The following PPIL2 variants were observed in gnomAD, a reference collection of about 807,000 sequenced individuals.
The protein encoded by PPIL2 is peptidylprolyl isomerase like 2.
Under a neutral mutation model 75.2 loss-of-function variants are expected in PPIL2, and 50 were observed. That is an observed-to-expected ratio of 0.66 (90% CI 0.53 to 0.84). The LOEUF (loss-of-function observed/expected upper bound fraction) is 0.84, where lower values mean the gene tolerates loss of function less well. Among genes scored for constraint, PPIL2 ranks in the 40% least tolerant of loss-of-function variants. The pLI is 0.00. For synonymous variants in PPIL2, 245 were observed against 258.8 expected (o/e 0.95, Z 0.51); for missense variants, 590 against 685.0 (o/e 0.86, Z 1.55).
At chr22:21,675,904 G>A (rs764516202) in intron 6 of PPIL2, among the ~76,000 whole-genome samples, 17 of 152,226 alleles carry the variant, frequency 1.1e-4, no homozygotes, top group Non-Finnish European at 2.1e-4. Context: ...CACACCTTCC[G>A]CTGTTCTTGT....
At chr22:21,692,202 C>T (rs899184301) in intron 15 of PPIL2, among the ~76,000 whole-genome samples, 5 of 151,630 alleles carry the variant, frequency 3.3e-5, no homozygotes, top group Non-Finnish European at 5.9e-5. Context: ...GTCCCCCAGG[C>T]TGGAGTGCAG....
chr22:21,679,814 G>A (rs1404815937), intron 6 of PPIL2, among the ~76,000 whole-genome samples: 2 of 151,704 alleles, frequency 1.3e-5, no homozygotes, highest in East Asian at 4.0e-4. Context: ...AAGGCCAGGT[G>A]CGGTGGCTCA....
rs372324620 is a variant in PPIL2, at chr22:21,684,669, G to A, written c.554-84G>A. On this transcript the variant is annotated intron_variant, in intron 9 of 19. Coordinates refer to ENST00000398831, the MANE Select transcript of PPIL2 (RefSeq NM_014337.4). ...CTGCGCCATGGCTGGACGGCCCTGG[G>A]CTATTCTAGATCTGTGTCCCCAGCA... 18 of 1,527,060 alleles carry A rather than the reference G, an allele frequency of 1.2e-5. No homozygotes were observed. In the African/African-American group the frequency reaches 2.2e-4, roughly 19 times the overall value. 94.6% of individuals were successfully genotyped at this position (1,527,060 alleles called of 1,614,324 possible).
chr22:21,680,521 A>G (rs905052184), intron 6 of PPIL2, among the ~76,000 whole-genome samples: 1 of 151,128 alleles, frequency 6.6e-6, no homozygotes, highest in Non-Finnish European at 1.5e-5. Context: ...ACAGAGCAAG[A>G]CTCCATCTCA....
At chr22:21,668,303 C>A (rs1465046352) in intron 1 of PPIL2, among the ~76,000 whole-genome samples, 1 of 152,008 alleles carries the variant, frequency 6.6e-6, no homozygotes, top group East Asian at 1.9e-4. Flanking sequence ...GGCTTAGACA[C>A]AACAACTGAC....
At position 21,688,850 on chromosome 22, in the gene PPIL2, G is replaced by GT; in HGVS notation, c.1139+2dup. ...GGCCCAACAGCAACAGGTCTCAATT[G>GT]TGAGTCAGCTGGGCTTGCTGGGGTG... On this transcript the variant is annotated splice_donor_variant, in intron 15 of 19. Coordinates refer to ENST00000398831, the MANE Select transcript of PPIL2 (RefSeq NM_014337.4). LOFTEE classifies it high-confidence loss of function. 1 of 1,613,870 alleles carries GT rather than the reference G, an allele frequency of 6.2e-7. No homozygotes were observed.
intron 1 of PPIL2, 81 bp downstream of exon 1, chr22:21,666,212 C>G: frequency 6.8e-7 from 1 of 1,469,422 alleles, no homozygotes; most frequent in Non-Finnish European, 9.3e-7. Flanking sequence ...CGCTCGCCTT[C>G]CCTCTCAGCT....
intron 3 of PPIL2, 111 bp downstream of exon 3, chr22:21,670,722 T>C (rs1601508327): frequency 8.2e-7 from 1 of 1,217,372 alleles, no homozygotes; most frequent in East Asian, 2.3e-5. Flanking sequence ...GCCTTGAAGA[T>C]GTGGCCCTTC....
intron 5 of PPIL2, among the ~76,000 whole-genome samples, chr22:21,674,111 C>T (rs1347743953): frequency 6.6e-6 from 1 of 152,164 alleles, no homozygotes; most frequent in African/African-American, 2.4e-5. Context: ...CGCTGTGTCT[C>T]CCCTGGGCCT....
intron 1 of PPIL2, 112 bp from the exon 2 acceptor site, chr22:21,669,801 A>ATTTAGTAAGTATTTAGTACTT (rs2066558925): frequency 8.7e-7 from 1 of 1,155,020 alleles, no homozygotes; most frequent in South Asian, 1.2e-5. Context: ...TGCCCGCCCC[A>ATTTAGTAAGTATTTAGTACTT]TAGTAGGTAT....
At position 21,666,837 on chromosome 22, in the gene PPIL2, ACCCGTGC is replaced by A. The variant is rs369590108; in HGVS notation, c.32+717_32+723del. Among the ~76,000 whole-genome samples the A allele has an allele frequency of 4.9e-3, 746 of 151,758 alleles. 5 individuals are homozygous for A. The highest frequency in any genetic ancestry group is 0.017 in the African/African-American group (696 of 41,378). ...AATAATAAATAAAATTTAAAAATCC[ACCCGTGC>A]CCCGTGCCCCACGTCCCACGTTCCC... On this transcript the variant is annotated intron_variant, in intron 1 of 19. Coordinates refer to ENST00000398831, the MANE Select transcript of PPIL2 (RefSeq NM_014337.4).
In PPIL2 at chr22:21,696,020, C is replaced by T. The variant is rs546703235; in HGVS notation, c.*530C>T. ...CTGGTTTTCTTACCCCTACTTCTGT[C>T]ATCTTCTCAGGGACAGCCTATTTAT... On this transcript the variant is annotated 3_prime_UTR_variant, in exon 20 of 20. Transcript: ENST00000398831. 3.7e-4 allele frequency: 206 copies of T among 557,038 alleles called. No individual in the cohort carries two copies. The highest frequency in any genetic ancestry group is 4.4e-4 in the Non-Finnish European group (190 of 433,250). The allele number at this position is 557,038 out of a possible 1,614,324, so 34.5% of individuals were successfully genotyped here.
chr22:21,693,214 A>C (rs1293871428), intron 15 of PPIL2, among the ~76,000 whole-genome samples: 1 of 151,840 alleles, frequency 6.6e-6, no homozygotes, highest in Non-Finnish European at 1.5e-5. Flanking sequence ...CGCCCAGCTA[A>C]TTTTTGTATT....
At chr22:21,689,981 C>T (rs140087777) in intron 15 of PPIL2, among the ~76,000 whole-genome samples, 7 of 152,286 alleles carry the variant, frequency 4.6e-5, no homozygotes, top group African/African-American at 1.2e-4. Flanking sequence ...CACTGTCACA[C>T]GTGGTCTCGG....
At chr22:21,675,483 C>A (rs555626552) in intron 6 of PPIL2, among the ~76,000 whole-genome samples, 1 of 152,214 alleles carries the variant, frequency 6.6e-6, no homozygotes, top group South Asian at 2.1e-4. Context: ...TTGCAGTGAG[C>A]CAAGATGGTG....
intron 6 of PPIL2, 110 bp downstream of exon 6, chr22:21,675,225 C>T: frequency 9.2e-7 from 1 of 1,085,694 alleles, no homozygotes; most frequent in Middle Eastern, 2.3e-4. Context: ...AAGCTAGACA[C>T]CTGCTTTTAA....
chr22:21,696,255 T>G lies in PPIL2; in HGVS notation c.*765T>G. ...GGGCCCTGCTCACCTGCTCTGGCTG[T>G]GAACCACCTGGGCTTCATCTCAAGC... is the stretch of plus-strand genomic sequence containing the variant. On this transcript the variant is annotated 3_prime_UTR_variant, in exon 20 of 20. Coordinates refer to ENST00000398831, the MANE Select transcript of PPIL2 (RefSeq NM_014337.4). 9.8e-7 allele frequency: 1 copy of G among 1,023,882 alleles called. No homozygotes were observed. The highest frequency in any genetic ancestry group is 1.7e-5 in the African/African-American group (1 of 58,048). 63.4% of individuals were successfully genotyped at this position (1,023,882 alleles called of 1,614,324 possible).
intron 10 of PPIL2, among the ~76,000 whole-genome samples, chr22:21,686,268 A>G (rs1156878153): frequency 6.6e-6 from 1 of 152,198 alleles, no homozygotes; most frequent in Non-Finnish European, 1.5e-5. Context: ...ACCTGATATC[A>G]TAAGAGTCGG....
rs143244242 is a variant in PPIL2, at chr22:21,671,265, G to C, written c.191+206G>C. Among the ~76,000 whole-genome samples the C allele has an allele frequency of 9.6e-4, 146 of 152,296 alleles. 1 individual carries two copies. The highest frequency in any genetic ancestry group is 3.4e-3 in the Middle Eastern group (1 of 294). ...TGCTGTCACTGCCTGGAATGGGGTA[G>C]ACCACCCCCTACCCCTCCAAGTGCA... On this transcript the variant is annotated intron_variant, in intron 4 of 19. Transcript: ENST00000398831.
Sources: allele counts gnomAD v4.1 joint callset (sites outside exome capture counted in the v4.1 genomes callset), GRCh38; gene constraint gnomAD v4.1.1; transcripts MANE v1.5; gene names NCBI Gene and HGNC (gene_info 2026-07-23, HGNC 2026-07-21).